Variants in DNAAF11 observed in about 807,000 individuals in gnomAD.
DNAAF11 encodes leucine rich repeat containing 6.
In DNAAF11, 45 loss-of-function variants were observed where a neutral mutation model predicts 60.8. The ratio of observed to expected loss-of-function variants is 0.74; its 90% CI spans 0.58 to 0.95. The LOEUF (loss-of-function observed/expected upper bound fraction) is 0.95. Ranked by LOEUF, DNAAF11 falls within the 40% of genes least tolerant of loss-of-function variation. The pLI is 0.00. For missense variants in DNAAF11, 546 were observed against 546.2 expected (o/e 1.00, Z 0.00); for synonymous variants, 191 against 183.5 (o/e 1.04, Z -0.33).
chr8:132,626,475 A>T (rs1820297112), intron 5 of DNAAF11, among the ~76,000 whole-genome samples: 1 of 152,214 alleles, frequency 6.6e-6, no homozygotes, highest in East Asian at 1.9e-4. Flanking sequence ...TCAGAGAATT[A>T]AACAACGTCT....
intron 10 of DNAAF11, among the ~76,000 whole-genome samples, chr8:132,592,444 A>G (rs970548495): frequency 6.6e-6 from 1 of 152,174 alleles, no homozygotes; most frequent in Admixed American, 6.5e-5. Flanking sequence ...TGGAACTGTG[A>G]GTTGTTCTAT....
chr8:132,610,701 T>C (rs762554683), intron 9 of DNAAF11, among the ~76,000 whole-genome samples: 2 of 152,186 alleles, frequency 1.3e-5, no homozygotes, highest in African/African-American at 4.8e-5. Flanking sequence ...CTCCCACACA[T>C]ATAATTATGT....
chr8:132,675,350 G>C (rs1300113135), intron 1 of DNAAF11, 134 bp downstream of exon 1: 4 of 919,792 alleles, frequency 4.3e-6, no homozygotes, highest in Non-Finnish European at 6.5e-6. Context: ...GCGGAGGGCC[G>C]GGTGGGGTTA....
chr8:132,660,576 A>C (rs1237706752), intron 2 of DNAAF11, among the ~76,000 whole-genome samples: 1 of 152,060 alleles, frequency 6.6e-6, no homozygotes, highest in African/African-American at 2.4e-5. Flanking sequence ...CATTAGAGTA[A>C]CTCCACAGGC....
intron 10 of DNAAF11, among the ~76,000 whole-genome samples, chr8:132,596,488 A>G (rs1201235177): frequency 2.0e-5 from 3 of 152,208 alleles, no homozygotes; most frequent in African/African-American, 7.2e-5. Context: ...TAAGACTGAG[A>G]ATAATATATA....
At chr8:132,679,227 G>A (rs777068728), upstream of DNAAF11, among the ~76,000 whole-genome samples, 2 of 152,128 alleles carry the variant, frequency 1.3e-5, no homozygotes, top group Non-Finnish European at 2.9e-5. Context: ...AGGGAATTTT[G>A]TTATTGTTGT....
chr8:132,606,800 G>C (rs1282072804), intron 10 of DNAAF11, among the ~76,000 whole-genome samples: 1 of 152,072 alleles, frequency 6.6e-6, no homozygotes, highest in East Asian at 1.9e-4. Flanking sequence ...CATTGCATCT[G>C]GCCAAAAATT....
chr8:132,700,109 A>T, the DNAAF11 span, among the ~76,000 whole-genome samples: 1 of 152,212 alleles, frequency 6.6e-6, no homozygotes, highest in Non-Finnish European at 1.5e-5. Flanking sequence ...ATGTTATGCC[A>T]TATGAATTTC....
In DNAAF11 at chr8:132,639,340, T is replaced by G. The variant is rs369081510; in HGVS notation, c.257-1233A>C. 1.1e-4 allele frequency among the ~76,000 whole-genome samples: 17 copies of G among 152,302 alleles called. No homozygotes were observed. The East Asian group carries it at 2.1e-3, about 19-fold the overall frequency. Reference sequence around the variant, plus strand: ...ACATGGCAGATTTTGCAACCTCCAATGTCTAGAAAGCCTTCCCCAGCTAAT... The same window carrying G: ...ACATGGCAGATTTTGCAACCTCCAAGGTCTAGAAAGCCTTCCCCAGCTAAT... On this transcript the variant is annotated intron_variant, in intron 3 of 11. Coordinates refer to ENST00000620350, the MANE Select transcript of DNAAF11 (RefSeq NM_012472.6).
At chr8:132,676,602 G>T (rs565906725), upstream of DNAAF11, among the ~76,000 whole-genome samples, 1 of 150,710 alleles carries the variant, frequency 6.6e-6, no homozygotes, top group African/African-American at 2.5e-5. Context: ...CTAGCGAATA[G>T]CTGTTAAGCA....
At chr8:132,583,839 A>C (rs1343398391) in intron 10 of DNAAF11, 60 bp from the exon 11 acceptor site, 1 of 1,054,244 alleles carries the variant, frequency 9.5e-7, no homozygotes, top group Admixed American at 1.7e-5. Context: ...ACCTTAAAAA[A>C]TATACATATA....
chr8:132,622,176 G>T (rs1458531974), intron 7 of DNAAF11, among the ~76,000 whole-genome samples: 1 of 152,092 alleles, frequency 6.6e-6, no homozygotes, highest in East Asian at 1.9e-4. Flanking sequence ...GTATTATATT[G>T]ATTTCCTTCC....
intron 3 of DNAAF11, among the ~76,000 whole-genome samples, chr8:132,643,956 T>C (rs1400814130): frequency 6.6e-6 from 1 of 152,088 alleles, no homozygotes; most frequent in Non-Finnish European, 1.5e-5. Context: ...CAAGAACAAA[T>C]AAATGCTTTT....
At chr8:132,659,148 C>T (rs928040122) in intron 2 of DNAAF11, among the ~76,000 whole-genome samples, 2 of 152,154 alleles carry the variant, frequency 1.3e-5, no homozygotes, top group African/African-American at 4.8e-5. Context: ...TTGACAAGAC[C>T]CCACATGGCC....
chr8:132,644,693 C>T (rs1001917278), intron 3 of DNAAF11, among the ~76,000 whole-genome samples: 3 of 152,208 alleles, frequency 2.0e-5, no homozygotes, highest in African/African-American at 7.2e-5. Flanking sequence ...ATATCCCATG[C>T]ATGACTTGGA....
Position 132,622,704 on chromosome 8 carries a change from G to A in DNAAF11, c.837-16C>T, listed in dbSNP as rs1819882056. The A allele has an allele frequency of 6.4e-7, 1 of 1,570,326 alleles. No homozygotes were observed. Among genetic ancestry groups the A allele is most frequent in the Non-Finnish European group, 8.8e-7 (1 of 1,141,128 alleles). On this transcript the variant is annotated splice_polypyrimidine_tract_variant and intron_variant, in intron 6 of 11. Coordinates refer to ENST00000620350, the MANE Select transcript of DNAAF11 (RefSeq NM_012472.6). ...CTTTTTTTCACTTAAGATTGGTGGT[G>A]GATGAGAACAATGGGCAGCATGGAA...
At chr8:132,592,051 T>A (rs1816520458) in intron 10 of DNAAF11, among the ~76,000 whole-genome samples, 1 of 152,124 alleles carries the variant, frequency 6.6e-6, no homozygotes. Context: ...TGAACTAAGG[T>A]TTTCCAAATA....
At chr8:132,656,539 T>C (rs943625344) in intron 3 of DNAAF11, among the ~76,000 whole-genome samples, 1 of 152,224 alleles carries the variant, frequency 6.6e-6, no homozygotes, top group Admixed American at 6.5e-5. Context: ...TGGCGCAATC[T>C]CAGCTCACTG....
intron 11 of DNAAF11, among the ~76,000 whole-genome samples, chr8:132,578,226 C>T (rs1170280769): frequency 6.6e-6 from 1 of 152,084 alleles, no homozygotes; most frequent in Non-Finnish European, 1.5e-5. Flanking sequence ...AAGCCATGAA[C>T]TTAGCTAGTA....
Sources: gnomAD v4.1 joint callset for allele counts (sites outside exome capture counted in the v4.1 genomes callset) on GRCh38, gnomAD v4.1.1 for gene constraint, MANE v1.5 for transcripts, NCBI Gene and HGNC (gene_info 2026-07-23, HGNC 2026-07-21) for gene names.